GFI1B: variants seen among roughly 807,000 people sequenced by gnomAD.
GFI1B encodes growth factor independent 1B transcriptional repressor.
GFI1B carries 20 observed loss-of-function variants against 35.3 expected under a neutral mutation model. The ratio of observed to expected loss-of-function variants is 0.57; its 90% confidence interval spans 0.40 to 0.82. The LOEUF is 0.82. GFI1B is among the 40% of genes least tolerant of loss of function. The pLI is 0.00. For synonymous variants in GFI1B, 178 were observed against 177.6 expected (o/e 1.00, Z -0.02); for missense variants, 430 against 446.3 (o/e 0.96, Z 0.33).
At chr9:132,955,787 G>A (rs1848272552) in intron 1 of GFI1B, among the ~76,000 whole-genome samples, 2 of 147,668 alleles carry the variant, frequency 1.4e-5, no homozygotes, top group South Asian at 4.4e-4. Flanking sequence ...CAGAACCAAC[G>A]TGATGTGTGT....
chr9:132,985,702 TGCACCTGTCA>T (rs1849023186), intron 1 of GFI1B, among the ~76,000 whole-genome samples: 1 of 152,200 alleles, frequency 6.6e-6, no homozygotes, highest in African/African-American at 2.4e-5. Flanking sequence ...ACACCTGTGA[TGCACCTGTCA>T]GCACTGCAAG....
chr9:132,957,409 T>C (rs1162790360), intron 1 of GFI1B, among the ~76,000 whole-genome samples: 2 of 152,216 alleles, frequency 1.3e-5, no homozygotes, highest in African/African-American at 4.8e-5. Context: ...GCACTCTACA[T>C]GTATTAAGTG....
chr9:132,946,130 A>G (rs1436100574), intron 1 of GFI1B, among the ~76,000 whole-genome samples: 2 of 152,236 alleles, frequency 1.3e-5, no homozygotes, highest in Non-Finnish European at 2.9e-5. Context: ...AACAACCTTT[A>G]TAACCATACG....
Position 132,987,322 on chromosome 9 carries a change from C to A in GFI1B, c.141C>A (p.Ser47Arg). 1 of 1,614,164 alleles carries A rather than the reference C, an allele frequency of 6.2e-7. No homozygotes were observed. Among genetic ancestry groups the A allele is most frequent in the Non-Finnish European group, 8.5e-7 (1 of 1,179,976 alleles). ...CTCCAAGCAACAGCCCTGTCCTTAG[C>A]ACTCTATTCCCAAACCAGTGCCTGG... ...DQAPSNSPVL[S>R]TLFPNQCLDW... is the part of the protein sequence containing the mutation. The change falls in exon 3 of 7, where the codon AGC (serine) becomes AGA (arginine). Residue 47 changes from serine to arginine, a missense_variant. Transcript: ENST00000372122.
intron 1 of GFI1B, among the ~76,000 whole-genome samples, chr9:132,971,529 G>T (rs1309908534): frequency 6.6e-6 from 1 of 152,172 alleles, no homozygotes; most frequent in Non-Finnish European, 1.5e-5. Flanking sequence ...TTACTCAAAA[G>T]CAAAGGGTCA....
At chr9:132,968,680 G>A (rs557734788) in intron 1 of GFI1B, among the ~76,000 whole-genome samples, 80 of 152,034 alleles carry the variant, frequency 5.3e-4, no homozygotes, top group Non-Finnish European at 1.0e-3. Context: ...TAATCGCAAG[G>A]TAGGAACATT....
chr9:132,950,310 C>A (rs1184450360), intron 1 of GFI1B, among the ~76,000 whole-genome samples: 1 of 152,028 alleles, frequency 6.6e-6, no homozygotes, highest in Non-Finnish European at 1.5e-5. Context: ...CTTTTTAGGA[C>A]CCCCAGGATG....
At chr9:132,960,579 C>G (rs940348327) in intron 1 of GFI1B, among the ~76,000 whole-genome samples, 18 of 152,116 alleles carry the variant, frequency 1.2e-4, no homozygotes, top group Non-Finnish European at 1.5e-4. Context: ...TCACTACAGC[C>G]TCGAGCTCCT....
upstream of GFI1B, among the ~76,000 whole-genome samples, chr9:132,974,079 G>T (rs180793679): frequency 6.6e-6 from 1 of 152,218 alleles, no homozygotes; most frequent in Non-Finnish European, 1.5e-5. Flanking sequence ...AGATCATGGC[G>T]TGAGGATGAG....
chr9:132,987,907 C>T (rs544370263), intron 3 of GFI1B, among the ~76,000 whole-genome samples: 1 of 152,234 alleles, frequency 6.6e-6, no homozygotes, highest in African/African-American at 2.4e-5. Context: ...TGCAGTGGCA[C>T]GATCTCAACT....
intron 1 of GFI1B, among the ~76,000 whole-genome samples, chr9:132,947,687 T>C (rs1848140607): frequency 6.6e-6 from 1 of 151,350 alleles, no homozygotes; most frequent in Admixed American, 6.6e-5. Context: ...CGGGTACCTA[T>C]AATCCAAGCT....
At chr9:132,956,862 C>T (rs902630768) in intron 1 of GFI1B, among the ~76,000 whole-genome samples, 3 of 152,154 alleles carry the variant, frequency 2.0e-5, no homozygotes, top group Non-Finnish European at 4.4e-5. Flanking sequence ...TACAGTCATC[C>T]CAAGGCTTGA....
At chr9:132,970,138 G>T (rs1364300337) in intron 1 of GFI1B, among the ~76,000 whole-genome samples, 2 of 152,050 alleles carry the variant, frequency 1.3e-5, no homozygotes, top group African/African-American at 4.8e-5. Context: ...TCTGCAAAGG[G>T]GTGCACATTC....
At chr9:132,949,059 A>G (rs1249909811) in intron 1 of GFI1B, among the ~76,000 whole-genome samples, 1 of 152,104 alleles carries the variant, frequency 6.6e-6, no homozygotes. Flanking sequence ...CACTTTTCAC[A>G]CCCAGAGGTG....
chr9:132,986,358 C>T (rs1056418268), intron 1 of GFI1B, among the ~76,000 whole-genome samples: 3 of 152,044 alleles, frequency 2.0e-5, no homozygotes, highest in Non-Finnish European at 4.4e-5. Context: ...TGTCGGCACA[C>T]GGCGTTCTCC....
downstream of GFI1B, among the ~76,000 whole-genome samples, chr9:132,992,810 C>T (rs767057969): frequency 6.6e-6 from 1 of 152,152 alleles, no homozygotes; most frequent in East Asian, 1.9e-4. Flanking sequence ...TCCAGCCGCA[C>T]CCCACCCCCC....
At position 132,971,212 on chromosome 9, in the gene GFI1B, G is replaced by A. The variant is rs148072281; in HGVS notation, c.-700-1513G>A. On this transcript the variant is annotated intron_variant, in intron 1 of 10. Transcript: ENST00000339463. ...GTTATTTCCTAAACTTAGAAGTGGG[G>A]CCCATGGGTTTGACACCCCTGCCAG... 2.0e-5 allele frequency among the ~76,000 whole-genome samples: 3 copies of A among 152,120 alleles called. No homozygotes were observed. The South Asian group carries it at 6.2e-4, about 32-fold the overall frequency.
At chr9:132,985,161 A>G (rs533363218) in intron 1 of GFI1B, among the ~76,000 whole-genome samples, 21 of 152,314 alleles carry the variant, frequency 1.4e-4, no homozygotes, top group African/African-American at 4.1e-4. Flanking sequence ...GGACCACCAG[A>G]AGATGCTCTC....
Position 132,959,306 on chromosome 9 carries a change from TCTC to T in GFI1B, c.-700-13416_-700-13414del, listed in dbSNP as rs141336844. Among the ~76,000 whole-genome samples, 398 of 152,254 alleles carry T rather than the reference TCTC, an allele frequency of 2.6e-3. 1 individual carries two copies. The highest frequency in any genetic ancestry group is 8.3e-3 in the African/African-American group (343 of 41,552). ...GGCTTTCCCCACTTTGCTCGGCACT[TCTC>T]CTTCCTGCCGCCACTTGAAGAAGGA... On this transcript the variant is annotated intron_variant, in intron 1 of 10. Coordinates refer to the GFI1B transcript ENST00000339463.
Sources: allele counts gnomAD v4.1 joint callset (sites outside exome capture counted in the v4.1 genomes callset), GRCh38; gene constraint gnomAD v4.1.1; transcripts MANE v1.5; gene names NCBI Gene and HGNC (gene_info 2026-07-23, HGNC 2026-07-21).